IL17REL: variants seen among roughly 807,000 people sequenced by gnomAD.
The protein encoded by IL17REL is interleukin 17 receptor E like, also known as interleukin-17 receptor E-like protein.
A neutral mutation model predicts 49.0 loss-of-function variants in IL17REL; 36 were observed. That is an observed-to-expected ratio of 0.73 (90% CI 0.56 to 0.97). The LOEUF is 0.97. Among genes scored for constraint, IL17REL ranks in the 50% least tolerant of loss-of-function variants. The pLI is 0.00. For missense variants in IL17REL, 470 were observed against 453.9 expected, an observed-to-expected ratio of 1.04 and a Z score of -0.32; for synonymous variants, 206 against 192.4, an observed-to-expected ratio of 1.07 and a Z score of -0.58.
At chr22:49,995,145 G>C (rs775586535) in exon 13 of IL17REL, 1 of 152,442 alleles carries the variant, frequency 6.6e-6, no homozygotes, top group Non-Finnish European at 1.5e-5. Flanking sequence ...GGTGATCCTT[G>C]ACCACCTCGG....
At chr22:49,994,339 A>G (rs1363496231), downstream of IL17REL, among the ~76,000 whole-genome samples, 1 of 146,772 alleles carries the variant, frequency 6.8e-6, no homozygotes, top group Non-Finnish European at 1.5e-5. Context: ...CCACTCCCAG[A>G]GACCCGGCAC....
At chr22:50,008,291 G>A (rs2061120543) in intron 1 of IL17REL, among the ~76,000 whole-genome samples, 1 of 152,206 alleles carries the variant, frequency 6.6e-6, no homozygotes, top group Non-Finnish European at 1.5e-5. Context: ...GGCCCAGTAG[G>A]GATCACTTTA....
intron 1 of IL17REL, among the ~76,000 whole-genome samples, 183 bp downstream of exon 2, chr22:50,008,454 T>TG (rs2061121531): frequency 6.6e-6 from 1 of 152,176 alleles, no homozygotes; most frequent in Non-Finnish European, 1.5e-5. Context: ...TGGCCTTGCC[T>TG]GGGTGTGGCC....
At chr22:50,002,811 C>G (rs1374682652) in intron 1 of IL17REL, among the ~76,000 whole-genome samples, 1 of 152,226 alleles carries the variant, frequency 6.6e-6, no homozygotes, top group Admixed American at 6.5e-5. Flanking sequence ...CCAACTCTTA[C>G]AAATTCCCAC....
chr22:49,993,242 C>T (rs900943238), downstream of IL17REL, among the ~76,000 whole-genome samples: 2 of 152,230 alleles, frequency 1.3e-5, no homozygotes, highest in Admixed American at 1.3e-4. This position sits in a 1 kb window ranked among gnomAD's most constrained non-coding sequence, Gnocchi z 6.0. Context: ...AGCTGTGTGT[C>T]ATGAGTGAAT....
intron 1 of IL17REL, among the ~76,000 whole-genome samples, chr22:50,004,136 T>C (rs775300334): frequency 2.6e-5 from 4 of 152,268 alleles, no homozygotes; most frequent in Non-Finnish European, 5.9e-5. Flanking sequence ...TGAAGTGCAG[T>C]GGTGCGATCT....
At position 49,999,214 on chromosome 22, in the gene IL17REL, C is replaced by A. The variant is rs898211911; in HGVS notation, c.601+77G>T. 27 of 1,534,934 alleles carry A rather than the reference C, an allele frequency of 1.8e-5. No homozygotes were observed. The South Asian group carries it at 2.3e-4, about 13-fold the overall frequency. ...GCCTGCTCCTTATCTCATCCCCCCACGTCAGTCCTCATGGTGGAGTCAGAC... is the reference window on the plus strand; with the variant it reads ...GCCTGCTCCTTATCTCATCCCCCCAAGTCAGTCCTCATGGTGGAGTCAGAC... On this transcript the variant is annotated intron_variant, in intron 7 of 12. Transcript: ENST00000341280.
intron 1 of IL17REL, among the ~76,000 whole-genome samples, chr22:50,004,230 C>G (rs1223012597): frequency 6.6e-6 from 1 of 152,108 alleles, no homozygotes; most frequent in Non-Finnish European, 1.5e-5. Flanking sequence ...AGGTGCGTAC[C>G]ACCACACCCG....
At position 49,998,130 on chromosome 22, in the gene IL17REL, C is replaced by T. The variant is rs978442463; in HGVS notation, c.774+7G>A. Reference sequence around the variant, plus strand: ...CCCACCCCCATCCCTGCTGAGCAGGCACTCACTCTGCGATGCACCAGCTGG... The same window carrying T: ...CCCACCCCCATCCCTGCTGAGCAGGTACTCACTCTGCGATGCACCAGCTGG... On this transcript the variant is annotated splice_region_variant and intron_variant, in intron 8 of 12. Coordinates refer to ENST00000341280, the Ensembl canonical transcript of IL17REL. 1.2e-6 allele frequency: 2 copies of T among 1,601,386 alleles called. No individual in the cohort carries two copies. The highest frequency in any genetic ancestry group is 2.7e-5 in the African/African-American group (2 of 74,566).
chr22:49,997,552 G>C, intron 10 of IL17REL, 69 bp from the exon 13 acceptor site: 1 of 1,339,242 alleles, frequency 7.5e-7, no homozygotes, highest in Non-Finnish European at 1.1e-6. Flanking sequence ...TTCCCCAGTG[G>C]GCCTGGCGCC....
chr22:50,000,722 A>C, intron 3 of IL17REL, 32 bp downstream of exon 4: 1 of 1,555,456 alleles, frequency 6.4e-7, no homozygotes, highest in African/African-American at 1.4e-5. Flanking sequence ...AGTCTTCGGG[A>C]CTTGGGTGGC....
chr22:49,997,889 G>A, intron 9 of IL17REL, 136 bp downstream of exon 11: 2 of 1,400,638 alleles, frequency 1.4e-6, no homozygotes, highest in Non-Finnish European at 2.0e-6. Context: ...CCCACTGTCA[G>A]ACCAGGAGGG....
chr22:50,006,031 T>TAGGAGGTTG (rs2061108569), intron 1 of IL17REL, among the ~76,000 whole-genome samples: 1 of 151,572 alleles, frequency 6.6e-6, no homozygotes, highest in South Asian at 2.1e-4. Flanking sequence ...AAGCAGGGCG[T>TAGGAGGTTG]AGGAGGTTGC....
At chr22:49,994,412 C>T (rs2061021685), downstream of IL17REL, 1 of 152,338 alleles carries the variant, frequency 6.6e-6, no homozygotes, top group Admixed American at 6.5e-5. Flanking sequence ...GCCTCCCACG[C>T]CTTTGGGGTG....
chr22:50,004,400 C>A (rs2061096884), intron 1 of IL17REL, among the ~76,000 whole-genome samples: 1 of 152,012 alleles, frequency 6.6e-6, no homozygotes, highest in African/African-American at 2.4e-5. Flanking sequence ...AAAAATAAAG[C>A]TGGATGGTTT....
chr22:49,998,511 CGCCTATGTGTGT>C (rs1402050168), intron 7 of IL17REL, among the ~76,000 whole-genome samples: 1 of 144,760 alleles, frequency 6.9e-6, no homozygotes, highest in Non-Finnish European at 1.5e-5. Flanking sequence ...TGGGTGCGTG[CGCCTATGTGTGT>C]GCCTGTGCAT....
At chr22:50,000,811 C>A in exon 3 of IL17REL, 3 of 1,603,286 alleles carry the variant, frequency 1.9e-6, no homozygotes, top group Non-Finnish European at 2.5e-6. Context: ...TCTGACACTG[C>A]GTCTCCTGGG....
rs1016343103 is a variant in IL17REL at position 49,997,924 on chromosome 22, T to G, written c.819+101A>C. Reference sequence around the variant, plus strand: ...GGGCTCTGAGGGACGCCTGGGAGGCTAGGCTCCAGGGCTGGGCAAGGGCCC... The same window carrying G: ...GGGCTCTGAGGGACGCCTGGGAGGCGAGGCTCCAGGGCTGGGCAAGGGCCC... On this transcript the variant is annotated intron_variant, in intron 9 of 12. Transcript: ENST00000341280. 51 of 1,509,232 alleles carry G rather than the reference T, an allele frequency of 3.4e-5. No homozygotes were observed. The Admixed American group carries it at 5.1e-4, about 15-fold the overall frequency. The allele number at this position is 1,509,232 out of a possible 1,614,324, so 93.5% of individuals were successfully genotyped here.
chr22:50,002,744 C>T (rs2061086400), intron 1 of IL17REL, among the ~76,000 whole-genome samples: 1 of 152,174 alleles, frequency 6.6e-6, no homozygotes, highest in Non-Finnish European at 1.5e-5. Context: ...ATCCGCCCAC[C>T]TCGGCCTCCC....
Sources: allele counts gnomAD v4.1 joint callset (sites outside exome capture counted in the v4.1 genomes callset), GRCh38; gene constraint gnomAD v4.1.1; non-coding constraint Gnocchi (gnomAD v3.1); transcripts MANE v1.5; gene names NCBI Gene and HGNC (gene_info 2026-07-23, HGNC 2026-07-21).